GPC6: variants seen among roughly 807,000 people sequenced by gnomAD.
GPC6 encodes glypican 6, also known as glypican-6.
A neutral mutation model predicts 55.2 loss-of-function variants in GPC6; 14 were observed. That is an observed-to-expected ratio of 0.25 (90% CI 0.17 to 0.40). The LOEUF (loss-of-function observed/expected upper bound fraction) is 0.40. Ranked by LOEUF, GPC6 falls within the 10% of genes least tolerant of loss-of-function variation. GPC6 has a pLI of 1.00. For missense variants in GPC6, 641 were observed against 708.5 expected, an observed-to-expected ratio of 0.90 and a Z score of 1.08; for synonymous variants, 278 against 259.6, an observed-to-expected ratio of 1.07 and a Z score of -0.68.
chr13:93,244,155 G>T (rs542931483), intron 1 of GPC6, among the ~76,000 whole-genome samples: 6 of 152,112 alleles, frequency 3.9e-5, no homozygotes, highest in African/African-American at 1.4e-4. Flanking sequence ...AACCACTTTC[G>T]CTGCATAAAA....
intron 4 of GPC6, among the ~76,000 whole-genome samples, chr13:94,244,432 T>G (rs1204815146): frequency 2.6e-5 from 4 of 152,016 alleles, no homozygotes; most frequent in Non-Finnish European, 5.9e-5. Flanking sequence ...TCTCAAGGTT[T>G]CCATCTCGAA....
intron 2 of GPC6, among the ~76,000 whole-genome samples, chr13:93,819,233 A>G (rs542869919): frequency 1.3e-5 from 2 of 152,026 alleles, no homozygotes; most frequent in African/African-American, 2.4e-5. Flanking sequence ...ACTGGCTTTT[A>G]GCAAAAAACT....
At position 93,339,284 on chromosome 13, in the gene GPC6, C is replaced by T. The variant is rs549090740; in HGVS notation, c.160+111668C>T. 2.0e-5 allele frequency among the ~76,000 whole-genome samples: 3 copies of T among 151,118 alleles called. No individual in the cohort carries two copies. In the South Asian group the frequency reaches 6.3e-4, roughly 32 times the overall value. On this transcript the variant is annotated intron_variant, in intron 1 of 8. Coordinates refer to ENST00000377047, the MANE Select transcript of GPC6 (RefSeq NM_005708.5). Reference sequence around the variant, plus strand: ...TGCATACATAGATTGGGTCATGCCACAATTTCTTATATTCCATATTTTGAA... The same window carrying T: ...TGCATACATAGATTGGGTCATGCCATAATTTCTTATATTCCATATTTTGAA...
intron 2 of GPC6, among the ~76,000 whole-genome samples, chr13:93,549,747 G>T (rs1875040645): frequency 6.6e-6 from 1 of 151,852 alleles, no homozygotes; most frequent in Non-Finnish European, 1.5e-5. Flanking sequence ...AAGGAAAAGT[G>T]GAAGATTTGT....
intron 1 of GPC6, among the ~76,000 whole-genome samples, chr13:93,364,651 T>C (rs991608560): frequency 2.6e-5 from 4 of 151,554 alleles, no homozygotes; most frequent in African/African-American, 9.7e-5. Flanking sequence ...GTTCTCCTTG[T>C]AGTGGGGTCA....
chr13:94,272,183 A>G (rs1892048827), intron 4 of GPC6, among the ~76,000 whole-genome samples: 1 of 152,102 alleles, frequency 6.6e-6, no homozygotes, highest in Admixed American at 6.5e-5. Context: ...TTTGAATTCA[A>G]TGGGGAATTC....
chr13:93,696,046 C>A (rs1486733362), intron 2 of GPC6, among the ~76,000 whole-genome samples: 3 of 152,068 alleles, frequency 2.0e-5, no homozygotes, highest in Non-Finnish European at 4.4e-5. Flanking sequence ...TGTAGAAAGA[C>A]TTTTGACATT....
At chr13:93,949,873 C>A (rs1879174884) in intron 3 of GPC6, among the ~76,000 whole-genome samples, 2 of 152,050 alleles carry the variant, frequency 1.3e-5, no homozygotes. Context: ...ACTACGACTG[C>A]ATACCACCAC....
intron 4 of GPC6, among the ~76,000 whole-genome samples, chr13:94,279,635 A>G (rs751590072): frequency 6.6e-6 from 1 of 152,008 alleles, no homozygotes. Flanking sequence ...AGATTCTCGT[A>G]TGCTGTCTGT....
At chr13:93,748,837 T>A (rs909305118) in intron 2 of GPC6, among the ~76,000 whole-genome samples, 4 of 152,012 alleles carry the variant, frequency 2.6e-5, no homozygotes, top group Non-Finnish European at 4.4e-5. Context: ...AATACCTCAG[T>A]TTTGAGTATA....
At chr13:94,257,704 G>T (rs1399222346) in intron 4 of GPC6, among the ~76,000 whole-genome samples, 3 of 152,124 alleles carry the variant, frequency 2.0e-5, no homozygotes, top group Admixed American at 6.5e-5. Flanking sequence ...CCAGCCAGCT[G>T]GTTTCTCATT....
chr13:93,240,002 TATG>T (rs1384005285), intron 1 of GPC6, among the ~76,000 whole-genome samples: 1 of 152,154 alleles, frequency 6.6e-6, no homozygotes, highest in Non-Finnish European at 1.5e-5. Context: ...AGATGCCTGA[TATG>T]ATTTTTCTTT....
At chr13:93,251,602 T>C (rs1007369831) in intron 1 of GPC6, among the ~76,000 whole-genome samples, 1 of 152,298 alleles carries the variant, frequency 6.6e-6, no homozygotes. Context: ...TGCTTGCAAA[T>C]TGGTTAAAGT....
intron 5 of GPC6, among the ~76,000 whole-genome samples, chr13:94,293,903 G>A (rs1156355339): frequency 6.6e-6 from 1 of 152,106 alleles, no homozygotes; most frequent in Non-Finnish European, 1.5e-5. Flanking sequence ...TTTAAGGGAG[G>A]ACTGTTACCC....
Position 93,286,127 on chromosome 13 carries a change from G to GCTC in GPC6, c.160+58511_160+58512insCTC, listed in dbSNP as rs531050746. Among the ~76,000 whole-genome samples, 289 of 152,080 alleles carry GCTC rather than the reference G, an allele frequency of 1.9e-3. 4 individuals carry two copies. The highest frequency in any genetic ancestry group is 0.017 in the Middle Eastern group (5 of 294). ...AATTGACTCACAGTTCCACATAGCT[G>GCTC]GGGAGGCCTCAGGAAACTTACAACC... On this transcript the variant is annotated intron_variant, in intron 1 of 8. Coordinates refer to ENST00000377047, the MANE Select transcript of GPC6 (RefSeq NM_005708.5).
At chr13:93,786,059 A>G (rs1254636491) in intron 2 of GPC6, among the ~76,000 whole-genome samples, 1 of 152,216 alleles carries the variant, frequency 6.6e-6, no homozygotes, top group Non-Finnish European at 1.5e-5. Context: ...GAATTTTAGG[A>G]AAGTCTAGAG....
chr13:94,259,509 T>A (rs959014667), intron 4 of GPC6, among the ~76,000 whole-genome samples: 2 of 152,158 alleles, frequency 1.3e-5, no homozygotes, highest in Admixed American at 6.5e-5. Context: ...TTCATTGTAC[T>A]TTTCAAAAAT....
chr13:93,863,585 G>A (rs1424623842), intron 3 of GPC6, among the ~76,000 whole-genome samples: 1 of 151,576 alleles, frequency 6.6e-6, no homozygotes, highest in African/African-American at 2.4e-5. Context: ...TCGATTTATG[G>A]TAAATGAAAA....
intron 2 of GPC6, among the ~76,000 whole-genome samples, chr13:93,601,190 C>A (rs1315429937): frequency 2.0e-5 from 3 of 151,694 alleles, no homozygotes; most frequent in Non-Finnish European, 4.4e-5. Flanking sequence ...GGAGTTCGAG[C>A]CTGGCCAACA....
Sources: gnomAD v4.1 joint callset for allele counts (sites outside exome capture counted in the v4.1 genomes callset) on GRCh38, gnomAD v4.1.1 for gene constraint, MANE v1.5 for transcripts, NCBI Gene and HGNC (gene_info 2026-07-23, HGNC 2026-07-21) for gene names.